Variants in PCDHA13 observed in about 807,000 individuals in gnomAD.
The protein encoded by PCDHA13 is protocadherin alpha 13.
PCDHA13 carries 54 observed loss-of-function variants against 64.8 expected under a neutral mutation model. The ratio of observed to expected loss-of-function variants is 0.83; its 90% CI spans 0.67 to 1.04. The LOEUF (loss-of-function observed/expected upper bound fraction) is 1.04, where lower values mean the gene tolerates loss of function less well. Among genes scored for constraint, PCDHA13 ranks in the 50% least tolerant of loss-of-function variants. The pLI is 0.00. For synonymous variants in PCDHA13, 587 were observed against 564.4 expected (o/e 1.04, Z -0.57); for missense variants, 1,248 against 1,254.3 (o/e 0.99, Z 0.08).
At chr5:140,894,317 A>G (rs2064424513) in intron 1 of PCDHA13, among the ~76,000 whole-genome samples, 1 of 152,034 alleles carries the variant, frequency 6.6e-6, no homozygotes, top group Non-Finnish European at 1.5e-5. Flanking sequence ...TTCTTAAATT[A>G]TAGATTTTAG....
chr5:140,941,241 T>TTCTTTCTTTCTTTC (rs1247398838), intron 1 of PCDHA13, among the ~76,000 whole-genome samples: 1 of 140,458 alleles, frequency 7.1e-6, no homozygotes, highest in Non-Finnish European at 1.5e-5. Flanking sequence ...CTTTCTTTCT[T>TTCTTTCTTTCTTTC]TCTTTCTTTC....
At chr5:140,916,825 C>T (rs2077750975) in intron 1 of PCDHA13, among the ~76,000 whole-genome samples, 1 of 152,144 alleles carries the variant, frequency 6.6e-6, no homozygotes, top group Non-Finnish European at 1.5e-5. Context: ...CCACCCCTAT[C>T]CCTCTGGTTC....
chr5:140,906,438 G>T (rs1264031299), intron 1 of PCDHA13, among the ~76,000 whole-genome samples: 1 of 152,016 alleles, frequency 6.6e-6, no homozygotes, highest in Non-Finnish European at 1.5e-5. Context: ...TGATAAACAA[G>T]AAAGGAAATA....
At chr5:140,925,690 G>A (rs1029124411) in intron 1 of PCDHA13, among the ~76,000 whole-genome samples, 6 of 149,642 alleles carry the variant, frequency 4.0e-5, no homozygotes, top group African/African-American at 7.4e-5. Context: ...GCGAGGGTGG[G>A]TATCTAGCCT....
Position 141,004,377 on chromosome 5 carries a change from C to T in PCDHA13, c.2543-5250C>T, listed in dbSNP as rs567018582. Among the ~76,000 whole-genome samples the T allele has an allele frequency of 3.9e-5, 6 of 152,294 alleles. No homozygotes were observed. The South Asian group carries it at 6.2e-4, about 16-fold the overall frequency. ...AGAGACCACACCTTGTTCTGCTCTG[C>T]GGAAGCTGGACATGTGGAGGAGGCA... On this transcript the variant is annotated intron_variant, in intron 3 of 3. Coordinates refer to ENST00000289272, the MANE Select transcript of PCDHA13 (RefSeq NM_018904.3).
intron 1 of PCDHA13, among the ~76,000 whole-genome samples, chr5:140,915,396 C>T (rs1554196881): frequency 6.6e-6 from 1 of 152,116 alleles, no homozygotes; most frequent in African/African-American, 2.4e-5. Context: ...CTAGGTATTT[C>T]TTATAGTCTT....
intron 1 of PCDHA13, among the ~76,000 whole-genome samples, chr5:140,890,337 A>G (rs1256335004): frequency 3.3e-5 from 5 of 152,192 alleles, no homozygotes; most frequent in African/African-American, 1.2e-4. Flanking sequence ...GGTAGTTGGG[A>G]TGGTTTACTA....
chr5:140,969,251 A>G, intron 1 of PCDHA13: 1 of 1,614,262 alleles, frequency 6.2e-7, no homozygotes, highest in South Asian at 1.1e-5. Flanking sequence ...AGTGACTGAC[A>G]GCAGGAATCT....
At chr5:140,945,705 A>G (rs868920609) in intron 1 of PCDHA13, among the ~76,000 whole-genome samples, 5 of 152,154 alleles carry the variant, frequency 3.3e-5, no homozygotes, top group South Asian at 2.1e-4. Flanking sequence ...GATTTGCAAC[A>G]AAAGTATCAA....
At chr5:140,903,608 C>G (rs2070424862) in intron 1 of PCDHA13, among the ~76,000 whole-genome samples, 1 of 152,124 alleles carries the variant, frequency 6.6e-6, no homozygotes, top group African/African-American at 2.4e-5. Flanking sequence ...GCTTAATACA[C>G]ATGAATGTGC....
intron 1 of PCDHA13, chr5:140,967,239 G>A: frequency 1.9e-6 from 3 of 1,613,672 alleles, no homozygotes; most frequent in Non-Finnish European, 2.5e-6. Context: ...CTTCAGGTAA[G>A]CGAATCGGTG....
chr5:141,003,074 G>A (rs941146075), intron 3 of PCDHA13, among the ~76,000 whole-genome samples: 2 of 152,224 alleles, frequency 1.3e-5, no homozygotes, highest in Non-Finnish European at 2.9e-5. Flanking sequence ...GCAGATGAGG[G>A]TGAGTTTAAC....
chr5:140,965,259 A>G (rs1257686866), intron 1 of PCDHA13, among the ~76,000 whole-genome samples: 1 of 152,218 alleles, frequency 6.6e-6, no homozygotes, highest in African/African-American at 2.4e-5. Context: ...AGAACTGAGC[A>G]GCAGAGGCAA....
chr5:140,898,147 C>T (rs2066556304), intron 1 of PCDHA13, among the ~76,000 whole-genome samples: 1 of 152,150 alleles, frequency 6.6e-6, no homozygotes, highest in African/African-American at 2.4e-5. Flanking sequence ...GTTGCCTGTT[C>T]ACGCTGATGG....
chr5:140,982,662 T>C (rs1325546785), intron 3 of PCDHA13, 99 bp downstream of exon 3: 4 of 1,476,284 alleles, frequency 2.7e-6, no homozygotes, highest in Admixed American at 2.6e-5. Context: ...CTTTTTCTTT[T>C]ATATTTTTGT....
intron 1 of PCDHA13, among the ~76,000 whole-genome samples, chr5:140,897,323 T>TCCCTCCC (rs2065998893): frequency 1.7e-5 from 2 of 114,654 alleles, no homozygotes; most frequent in South Asian, 6.8e-4. Flanking sequence ...CCTAAAGCTA[T>TCCCTCCC]CCCTCCCCCC....
At chr5:140,912,882 T>A (rs2153523481) in intron 1 of PCDHA13, among the ~76,000 whole-genome samples, 1 of 152,362 alleles carries the variant, frequency 6.6e-6, no homozygotes, top group South Asian at 2.1e-4. Context: ...TTGGTCTTCA[T>A]TCTGTTGATA....
chr5:140,993,293 A>G (rs1445204823), intron 3 of PCDHA13, among the ~76,000 whole-genome samples: 1 of 152,062 alleles, frequency 6.6e-6, no homozygotes, highest in African/African-American at 2.4e-5. Flanking sequence ...CAGGGTCACA[A>G]CCTTGCCTCC....
chr5:140,951,544 G>T (rs543008494), intron 1 of PCDHA13, among the ~76,000 whole-genome samples: 1 of 151,878 alleles, frequency 6.6e-6, no homozygotes, highest in Non-Finnish European at 1.5e-5. Flanking sequence ...AGCAAGGGAC[G>T]GGGGGAAGTG....
Sources: gnomAD v4.1 joint callset for allele counts (sites outside exome capture counted in the v4.1 genomes callset) on GRCh38, gnomAD v4.1.1 for gene constraint, MANE v1.5 for transcripts, NCBI Gene and HGNC (gene_info 2026-07-23, HGNC 2026-07-21) for gene names.